The following CDH13 variants were observed in gnomAD, a reference collection of about 807,000 sequenced individuals.
CDH13 encodes the protein cadherin-13.
In CDH13, 24 loss-of-function variants were observed where a neutral mutation model predicts 63.8. The observed-to-expected ratio is 0.38, with a 90% CI of 0.27 to 0.53. The LOEUF (loss-of-function observed/expected upper bound fraction) is 0.53. Among genes scored for constraint, CDH13 ranks in the 20% least tolerant of loss-of-function variants. The pLI, the probability that CDH13 is intolerant of heterozygous loss-of-function variation, is 0.85. For synonymous variants in CDH13, 503 were observed against 355.3 expected, an observed-to-expected ratio of 1.42 and a Z score of -4.67; for missense variants, 1,049 against 903.1, an observed-to-expected ratio of 1.16 and a Z score of -2.07.
chr16:82,969,081 T>A (rs1313787436), intron 2 of CDH13, among the ~76,000 whole-genome samples: 1 of 152,222 alleles, frequency 6.6e-6, no homozygotes, highest in African/African-American at 2.4e-5. Context: ...CACTCCAGCC[T>A]GGGCAACAGA....
intron 1 of CDH13, among the ~76,000 whole-genome samples, chr16:82,653,607 G>C (rs1456677195): frequency 1.3e-5 from 2 of 152,254 alleles, no homozygotes; most frequent in African/African-American, 2.4e-5. Context: ...TGTGGGGCTG[G>C]AGGCCAAGGT....
At chr16:83,507,132 C>G (rs2074416910) in intron 7 of CDH13, among the ~76,000 whole-genome samples, 1 of 152,230 alleles carries the variant, frequency 6.6e-6, no homozygotes, top group Non-Finnish European at 1.5e-5. Flanking sequence ...AGCCCCTCCT[C>G]TGTGGACTTT....
At chr16:83,411,942 C>G (rs1371307874) in intron 6 of CDH13, among the ~76,000 whole-genome samples, 1 of 152,116 alleles carries the variant, frequency 6.6e-6, no homozygotes, top group African/African-American at 2.4e-5. Flanking sequence ...GCATAAGGAG[C>G]AAATCTGGAA....
At chr16:83,100,530 G>A (rs745455885) in intron 3 of CDH13, among the ~76,000 whole-genome samples, 49 of 152,288 alleles carry the variant, frequency 3.2e-4, no homozygotes, top group Non-Finnish European at 4.6e-4. Flanking sequence ...TCTGTAGCGG[G>A]CAGAAGCTGA....
chr16:83,609,804 A>G (rs954643920), intron 8 of CDH13, among the ~76,000 whole-genome samples: 2 of 152,222 alleles, frequency 1.3e-5, no homozygotes, highest in South Asian at 2.1e-4. Context: ...TTGTCGAATT[A>G]TCATTACTGT....
chr16:83,418,047 T>A (rs1421842548), intron 6 of CDH13, among the ~76,000 whole-genome samples: 1 of 152,190 alleles, frequency 6.6e-6, no homozygotes, highest in Non-Finnish European at 1.5e-5. Flanking sequence ...CACTTTCTCC[T>A]TTTTAATCAT....
At chr16:82,987,843 C>T (rs552748635) in intron 2 of CDH13, among the ~76,000 whole-genome samples, 4 of 152,328 alleles carry the variant, frequency 2.6e-5, no homozygotes, top group East Asian at 3.9e-4. Context: ...TGGGTTGCCC[C>T]ATCTCTTGCT....
At chr16:83,755,206 C>T (rs1913405586) in intron 11 of CDH13, among the ~76,000 whole-genome samples, 1 of 152,026 alleles carries the variant, frequency 6.6e-6, no homozygotes, top group Non-Finnish European at 1.5e-5. Context: ...ATATTAAAAA[C>T]TCAGTAAGTA....
intron 7 of CDH13, among the ~76,000 whole-genome samples, chr16:83,551,322 C>A (rs2075490547): frequency 1.3e-5 from 2 of 151,926 alleles, no homozygotes; most frequent in South Asian, 2.1e-4. Context: ...CTGCCTCGGC[C>A]TCCCATAGTG....
chr16:83,463,308 T>C (rs919701897), intron 6 of CDH13, among the ~76,000 whole-genome samples: 1 of 152,180 alleles, frequency 6.6e-6, no homozygotes, highest in African/African-American at 2.4e-5. Context: ...GTACCCAAAA[T>C]GCAGCGATTC....
At chr16:82,756,392 T>A (rs2034612502) in intron 1 of CDH13, among the ~76,000 whole-genome samples, 1 of 152,150 alleles carries the variant, frequency 6.6e-6, no homozygotes, top group Non-Finnish European at 1.5e-5. Flanking sequence ...ATAGCCACCA[T>A]TTGTGGATCA....
intron 7 of CDH13, among the ~76,000 whole-genome samples, chr16:83,569,241 A>C (rs570076742): frequency 6.6e-6 from 1 of 152,186 alleles, no homozygotes; most frequent in East Asian, 1.9e-4. Context: ...GACTCAGCTT[A>C]AATGTCCCCA....
chr16:83,212,682 AGGGATGGT>A, intron 4 of CDH13, among the ~76,000 whole-genome samples: 1 of 152,298 alleles, frequency 6.6e-6, no homozygotes, highest in Non-Finnish European at 1.5e-5. Context: ...GATACTCAAC[AGGGATGGT>A]GCTGAAAGCT....
At chr16:83,679,889 T>G (rs1410104466) in intron 10 of CDH13, among the ~76,000 whole-genome samples, 1 of 152,120 alleles carries the variant, frequency 6.6e-6, no homozygotes, top group Non-Finnish European at 1.5e-5. Context: ...TGGGACAACT[T>G]GGGATGCTGC....
intron 6 of CDH13, among the ~76,000 whole-genome samples, chr16:83,477,307 A>G (rs2073630575): frequency 6.6e-6 from 1 of 152,234 alleles, no homozygotes; most frequent in South Asian, 2.1e-4. Context: ...AAAACCAACT[A>G]GCTCCAGGGA....
At chr16:82,862,815 C>G (rs534487588) in intron 2 of CDH13, among the ~76,000 whole-genome samples, 15 of 152,344 alleles carry the variant, frequency 9.8e-5, no homozygotes, top group Middle Eastern at 3.4e-3. Context: ...TCGGGCTGCT[C>G]TCCTGGGTAA....
At chr16:83,601,121 C>T (rs1907749797) in intron 7 of CDH13, among the ~76,000 whole-genome samples, 1 of 152,080 alleles carries the variant, frequency 6.6e-6, no homozygotes, top group African/African-American at 2.4e-5. Flanking sequence ...GGACTCATTC[C>T]AAAAGTTCAA....
At chr16:83,123,480 T>C (rs183961309) in intron 3 of CDH13, among the ~76,000 whole-genome samples, 3 of 152,088 alleles carry the variant, frequency 2.0e-5, no homozygotes, top group African/African-American at 7.2e-5. Context: ...GGTTTCTCCA[T>C]GTTGGTCAGG....
At chr16:82,865,290 G>A (rs146677021) in intron 2 of CDH13, among the ~76,000 whole-genome samples, 2 of 152,342 alleles carry the variant, frequency 1.3e-5, no homozygotes, top group East Asian at 1.9e-4. Flanking sequence ...TGGGGACTCT[G>A]TGTGGGGATT....
Sources: gnomAD v4.1 joint callset for allele counts (sites outside exome capture counted in the v4.1 genomes callset) on GRCh38, gnomAD v4.1.1 for gene constraint, MANE v1.5 for transcripts, NCBI Gene and HGNC (gene_info 2026-07-23, HGNC 2026-07-21) for gene names.